PIEZO2: variants seen among roughly 807,000 people sequenced by gnomAD.
PIEZO2 encodes piezo-type mechanosensitive ion channel component 2.
Under a neutral mutation model 337.3 loss-of-function variants are expected in PIEZO2, and 172 were observed. The ratio of observed to expected loss-of-function variants is 0.51; its 90% CI spans 0.45 to 0.58. The LOEUF is 0.58. Among genes scored for constraint, PIEZO2 ranks in the 20% least tolerant of loss-of-function variants. PIEZO2 has a pLI of 0.00. For synonymous variants in PIEZO2, 1,251 were observed against 1,228.5 expected (o/e 1.02, Z -0.38); for missense variants, 3,028 against 3,391.3 (o/e 0.89, Z 2.66).
At position 10,809,260 on chromosome 18, in the gene PIEZO2, C is replaced by CTTTTTTTTTTTTTTTT. The variant is rs869210659; in HGVS notation, c.918-2002_918-1987dup. 3.6e-4 allele frequency among the ~76,000 whole-genome samples: 24 copies of CTTTTTTTTTTTTTTTT among 65,832 alleles called. 1 individual carries two copies. The highest frequency in any genetic ancestry group is 1.2e-3 in the African/African-American group (20 of 16,998). The allele number at this position is 65,832 out of a possible 152,430, so 43.2% of individuals were successfully genotyped here. ...ACCTAAGATTTCTCTCTCTCTCTCT[C>CTTTTTTTTTTTTTTTT]TTTTTTTTTTTTTTTTTTTTTTTTT... is the stretch of plus-strand genomic sequence containing the variant. On this transcript the variant is annotated intron_variant, in intron 7 of 55. Coordinates refer to ENST00000674853, the MANE Select transcript of PIEZO2 (RefSeq NM_001378183.1).
chr18:11,067,214 G>A (rs2038183063), intron 1 of PIEZO2, among the ~76,000 whole-genome samples: 1 of 152,084 alleles, frequency 6.6e-6, no homozygotes, highest in Non-Finnish European at 1.5e-5. Flanking sequence ...TTAGGTGATG[G>A]TTACACTAAA....
rs2041724932 is a variant in PIEZO2, at chr18:10,857,043, T to C, written c.661A>G (p.Thr221Ala). ...ATGGTAACAACGACTTTCCCAGCAGTGGTGATCATGTTGCCAATGAACTCC... is the reference window on the plus strand; with the variant it reads ...ATGGTAACAACGACTTTCCCAGCAGCGGTGATCATGTTGCCAATGAACTCC... ...LKEFIGNMITTAGKVVVTILL... is the reference protein window; with the variant it reads ...LKEFIGNMITAAGKVVVTILL... The change falls in exon 6 of 56, where the codon ACT (threonine) becomes GCT (alanine). Residue 221 changes from threonine (T) to alanine (A), a missense_variant. Around this residue, in one of 5 missense-constraint regions of PIEZO2, gnomAD observed 542 missense variants for 605.6 expected, o/e 0.89. Transcript: ENST00000674853. 2.0e-6 allele frequency: 3 copies of C among 1,537,226 alleles called. No individual in the cohort carries two copies. Among genetic ancestry groups the C allele is most frequent in the Non-Finnish European group, 1.7e-6 (2 of 1,146,942 alleles).
At chr18:11,106,341 G>A (rs376600835) in intron 1 of PIEZO2, among the ~76,000 whole-genome samples, 17 of 147,988 alleles carry the variant, frequency 1.1e-4, no homozygotes, top group South Asian at 2.1e-4. Flanking sequence ...CTCGTGATCC[G>A]CCTGCCTCGG....
intron 2 of PIEZO2, among the ~76,000 whole-genome samples, chr18:10,999,619 A>T (rs2584743): frequency 0.51 from 77,126 of 151,848 alleles, 19,866 homozygotes; most frequent in African/African-American, 0.57. Flanking sequence ...TATATAAGAC[A>T]CTTGAGCACC....
At chr18:10,933,146 A>G (rs1183819854) in intron 3 of PIEZO2, among the ~76,000 whole-genome samples, 1 of 152,156 alleles carries the variant, frequency 6.6e-6, no homozygotes, top group Non-Finnish European at 1.5e-5. Flanking sequence ...ACCAGGGACA[A>G]GGCTACAAGG....
At chr18:10,731,611 T>G in intron 35 of PIEZO2, 90 bp from the exon 36 acceptor site, 1 of 789,936 alleles carries the variant, frequency 1.3e-6, no homozygotes, top group Non-Finnish European at 1.8e-6. Flanking sequence ...TTGAAATATT[T>G]TTTCCTCCCA....
chr18:10,675,123 T>G (rs1174426719), intron 54 of PIEZO2, 86 bp downstream of exon 54: 2 of 927,250 alleles, frequency 2.2e-6, no homozygotes, highest in Admixed American at 5.6e-5. Context: ...AGAAAGTGGT[T>G]TCATGAAGGT....
chr18:11,137,960 C>G (rs1331252744), intron 1 of PIEZO2, among the ~76,000 whole-genome samples: 1 of 152,078 alleles, frequency 6.6e-6, no homozygotes, highest in Non-Finnish European at 1.5e-5. Flanking sequence ...TCTCTGTTCC[C>G]TGCAAAGCAA....
intron 2 of PIEZO2, among the ~76,000 whole-genome samples, chr18:11,025,555 T>G (rs1417084252): frequency 6.6e-6 from 1 of 152,102 alleles, no homozygotes; most frequent in African/African-American, 2.4e-5. Context: ...ATCCTGGCGA[T>G]CTTCTCCTGG....
At position 10,864,014 on chromosome 18, in the gene PIEZO2, T is replaced by TA. The variant is rs575036488; in HGVS notation, c.493-6804dup. Reference sequence around the variant, plus strand: ...TTCACCCTGGTATTCACTCCAAAAATAAAAAATTTATACAGTGATGACAAA... The same window carrying TA: ...TTCACCCTGGTATTCACTCCAAAAATAAAAAAATTTATACAGTGATGACAAA... On this transcript the variant is annotated intron_variant, in intron 5 of 55. Coordinates refer to ENST00000674853, the MANE Select transcript of PIEZO2 (RefSeq NM_001378183.1). Among the ~76,000 whole-genome samples the TA allele has an allele frequency of 3.4e-3, 520 of 152,254 alleles. 4 individuals are homozygous for TA. Among genetic ancestry groups the TA allele is most frequent in the African/African-American group, 0.012 (494 of 41,550 alleles).
At chr18:10,959,408 A>G (rs1371080049) in intron 3 of PIEZO2, among the ~76,000 whole-genome samples, 1 of 152,210 alleles carries the variant, frequency 6.6e-6, no homozygotes, top group Non-Finnish European at 1.5e-5. Context: ...TAATTATTTG[A>G]ATGGAGAGAA....
At chr18:10,776,626 T>C (rs1300220099) in intron 18 of PIEZO2, among the ~76,000 whole-genome samples, 2 of 152,152 alleles carry the variant, frequency 1.3e-5, no homozygotes, top group Non-Finnish European at 2.9e-5. Flanking sequence ...TTCCCAATGG[T>C]CTCAGGGTTC....
At position 10,993,598 on chromosome 18, in the gene PIEZO2, C is replaced by T. The variant is rs2035190243; in HGVS notation, c.161-13938G>A. Among the ~76,000 whole-genome samples, 2 of 152,120 alleles carry T rather than the reference C, an allele frequency of 1.3e-5. No homozygotes were observed. Among genetic ancestry groups the T allele is most frequent in the African/African-American group, 4.8e-5 (2 of 41,428 alleles). On this transcript the variant is annotated intron_variant, in intron 2 of 55. Transcript: ENST00000674853. This position sits in a 1 kb window ranked among gnomAD's most constrained non-coding sequence, Gnocchi z 5.0. ...CTGGAGTACAGTGGCACGATCTCGC[C>T]TCACTGCAACCTCCGCCTCCCGGGT...
intron 36 of PIEZO2, among the ~76,000 whole-genome samples, chr18:10,721,424 C>A (rs1049916903): frequency 1.3e-5 from 2 of 152,054 alleles, no homozygotes; most frequent in African/African-American, 2.4e-5. Context: ...TTATTGCTGT[C>A]TTTGATTGGT....
intron 2 of PIEZO2, among the ~76,000 whole-genome samples, chr18:11,024,689 G>A (rs1360552566): frequency 6.6e-6 from 1 of 152,090 alleles, no homozygotes; most frequent in Non-Finnish European, 1.5e-5. Context: ...CACCCAGGCT[G>A]GAGTGCAATG....
intron 7 of PIEZO2, among the ~76,000 whole-genome samples, chr18:10,820,002 CT>C: frequency 6.6e-6 from 1 of 152,168 alleles, no homozygotes; most frequent in Admixed American, 6.5e-5. Context: ...TATCCTATTG[CT>C]TTTTGAATGG....
In PIEZO2 at chr18:10,856,781, G is replaced by A. The variant is rs2041716498; in HGVS notation, c.703+220C>T. On this transcript the variant is annotated intron_variant, in intron 6 of 55. Transcript: ENST00000674853. This position sits in a 1 kb window ranked among gnomAD's most constrained non-coding sequence, Gnocchi z 4.7. ...ATATATAGAAAAAGATTATTTTGCA[G>A]AGGTTAACAGAAACCATCTAAAAAC... is the stretch of plus-strand genomic sequence containing the variant. 6.6e-6 allele frequency among the ~76,000 whole-genome samples: 1 copy of A among 152,178 alleles called. No homozygotes were observed. Among genetic ancestry groups the A allele is most frequent in the African/African-American group, 2.4e-5 (1 of 41,446 alleles).
chr18:10,820,292 C>A (rs2040484262), intron 7 of PIEZO2, among the ~76,000 whole-genome samples: 1 of 150,312 alleles, frequency 6.7e-6, no homozygotes, highest in African/African-American at 2.4e-5. Context: ...TCCAGTTATA[C>A]TTCTGTTAGA....
chr18:11,020,933 C>T (rs1458237014), intron 2 of PIEZO2, among the ~76,000 whole-genome samples: 1 of 152,182 alleles, frequency 6.6e-6, no homozygotes, highest in African/African-American at 2.4e-5. Flanking sequence ...ACCCCTCTCC[C>T]CCATAAATCA....
Sources: allele counts gnomAD v4.1 joint callset (sites outside exome capture counted in the v4.1 genomes callset), GRCh38; gene constraint gnomAD v4.1.1; regional missense constraint gnomAD v4.1.1; non-coding constraint Gnocchi (gnomAD v3.1); transcripts MANE v1.5; gene names NCBI Gene and HGNC (gene_info 2026-07-23, HGNC 2026-07-21).